The following ST6GALNAC3 variants were observed in gnomAD, a reference collection of about 807,000 sequenced individuals.
ST6GALNAC3 encodes alpha-N-acetylgalactosaminide alpha-2,6-sialyltransferase 3.
ST6GALNAC3 carries 25 observed loss-of-function variants against 32.7 expected under a neutral mutation model. The ratio of observed to expected loss-of-function variants is 0.76; its 90% CI spans 0.56 to 1.07. The LOEUF is 1.07. Ranked by LOEUF, ST6GALNAC3 falls within the 50% of genes least tolerant of loss-of-function variation. The probability of loss-of-function intolerance (pLI) is 0.00; values close to 1 mark genes in which losing one functional copy is unlikely to be tolerated. For synonymous variants in ST6GALNAC3, 129 were observed against 133.1 expected, an observed-to-expected ratio of 0.97 and a Z score of 0.21; for missense variants, 355 against 382.4, an observed-to-expected ratio of 0.93 and a Z score of 0.60.
At chr1:76,097,468 G>A (rs1647154459) in intron 1 of ST6GALNAC3, among the ~76,000 whole-genome samples, 1 of 152,148 alleles carries the variant, frequency 6.6e-6, no homozygotes, top group African/African-American at 2.4e-5. Flanking sequence ...GCCATGTGAA[G>A]AAGGACATGC....
At chr1:76,359,104 T>C (rs2101045523) in intron 2 of ST6GALNAC3, among the ~76,000 whole-genome samples, 1 of 152,324 alleles carries the variant, frequency 6.6e-6, no homozygotes, top group East Asian at 1.9e-4. Context: ...AGAGAGGACC[T>C]AGGGACCAGA....
At chr1:76,501,353 G>A (rs978389859) in intron 3 of ST6GALNAC3, among the ~76,000 whole-genome samples, 4 of 152,174 alleles carry the variant, frequency 2.6e-5, no homozygotes, top group African/African-American at 9.6e-5. Context: ...TGGTTTGCAA[G>A]GCAAATGATT....
At chr1:76,223,335 G>A (rs2100611729) in intron 1 of ST6GALNAC3, among the ~76,000 whole-genome samples, 1 of 152,242 alleles carries the variant, frequency 6.6e-6, no homozygotes, top group South Asian at 2.1e-4. Flanking sequence ...ATAAGTGGGA[G>A]CTAAACAGTG....
chr1:76,335,456 CA>C, intron 2 of ST6GALNAC3, among the ~76,000 whole-genome samples: 1 of 148,532 alleles, frequency 6.7e-6, no homozygotes, highest in Non-Finnish European at 1.5e-5. Flanking sequence ...CACACACACA[CA>C]CTCACACTCA....
intron 2 of ST6GALNAC3, among the ~76,000 whole-genome samples, chr1:76,379,954 G>A (rs1651571802): frequency 6.6e-6 from 1 of 152,188 alleles, no homozygotes; most frequent in Non-Finnish European, 1.5e-5. Context: ...GAGGTTACCT[G>A]ATGGCCTAAT....
At chr1:76,268,948 C>A (rs796626531) in intron 1 of ST6GALNAC3, among the ~76,000 whole-genome samples, 1 of 152,188 alleles carries the variant, frequency 6.6e-6, no homozygotes, top group East Asian at 1.9e-4. Flanking sequence ...CTACACATTT[C>A]GGCACTTTAT....
At chr1:76,302,568 A>G (rs1660789559) in intron 1 of ST6GALNAC3, among the ~76,000 whole-genome samples, 1 of 152,046 alleles carries the variant, frequency 6.6e-6, no homozygotes, top group Non-Finnish European at 1.5e-5. Context: ...ATGGTCTCTT[A>G]TAGCTGATGA....
At chr1:76,467,380 G>A (rs1285492754) in intron 3 of ST6GALNAC3, among the ~76,000 whole-genome samples, 3 of 151,898 alleles carry the variant, frequency 2.0e-5, no homozygotes, top group Admixed American at 6.6e-5. Context: ...GAATATAGGT[G>A]ATCCATCCCT....
At chr1:76,595,065 C>G (rs958616140) in intron 3 of ST6GALNAC3, among the ~76,000 whole-genome samples, 2 of 152,100 alleles carry the variant, frequency 1.3e-5, no homozygotes, top group Non-Finnish European at 2.9e-5. Flanking sequence ...CCTGCAGACC[C>G]TGGCCGAGCA....
At chr1:76,431,385 A>G (rs921244282) in intron 3 of ST6GALNAC3, among the ~76,000 whole-genome samples, 15 of 152,344 alleles carry the variant, frequency 9.8e-5, no homozygotes, top group African/African-American at 3.6e-4. Flanking sequence ...TTTTAAATCA[A>G]AGGTAGCTGA....
intron 3 of ST6GALNAC3, among the ~76,000 whole-genome samples, chr1:76,579,769 G>A (rs1254358144): frequency 6.6e-6 from 1 of 152,004 alleles, no homozygotes; most frequent in African/African-American, 2.4e-5. Context: ...GTACTTAGTA[G>A]TTAGATCTAG....
chr1:76,155,318 A>G (rs901310841), intron 1 of ST6GALNAC3, among the ~76,000 whole-genome samples: 5 of 152,168 alleles, frequency 3.3e-5, no homozygotes, highest in Non-Finnish European at 7.3e-5. Context: ...TACTACTGCT[A>G]CCGTCACTAC....
chr1:76,549,843 G>T (rs1463587871), intron 3 of ST6GALNAC3, among the ~76,000 whole-genome samples: 1 of 152,172 alleles, frequency 6.6e-6, no homozygotes, highest in African/African-American at 2.4e-5. Context: ...TCAGGTTTCA[G>T]CAGTTGGTAT....
intron 1 of ST6GALNAC3, among the ~76,000 whole-genome samples, chr1:76,166,440 C>T (rs1391411802): frequency 6.6e-6 from 1 of 152,060 alleles, no homozygotes; most frequent in Non-Finnish European, 1.5e-5. Context: ...CATGATGTGT[C>T]CAGCTTTGTT....
chr1:76,151,917 A>T (rs979541781), intron 1 of ST6GALNAC3, among the ~76,000 whole-genome samples: 1 of 152,166 alleles, frequency 6.6e-6, no homozygotes, highest in Non-Finnish European at 1.5e-5. Flanking sequence ...CCGGTTCTTG[A>T]GAGTTGGGTG....
At chr1:76,333,662 G>C (rs900692527) in intron 2 of ST6GALNAC3, among the ~76,000 whole-genome samples, 1 of 152,000 alleles carries the variant, frequency 6.6e-6, no homozygotes, top group Non-Finnish European at 1.5e-5. Context: ...GCTGTCCTTG[G>C]TTGTCCATAT....
intron 3 of ST6GALNAC3, among the ~76,000 whole-genome samples, chr1:76,425,974 A>G (rs1032212341): frequency 2.6e-5 from 4 of 152,008 alleles, no homozygotes; most frequent in South Asian, 4.2e-4. Context: ...AGTAAAGTTT[A>G]TGATAATATA....
intron 3 of ST6GALNAC3, among the ~76,000 whole-genome samples, chr1:76,563,396 G>A (rs981973459): frequency 2.6e-5 from 4 of 152,112 alleles, no homozygotes; most frequent in Non-Finnish European, 4.4e-5. Flanking sequence ...CTGGAAAATC[G>A]GGAGGTATCC....
At chr1:76,361,649 G>A (rs943581461) in intron 2 of ST6GALNAC3, among the ~76,000 whole-genome samples, 1 of 151,980 alleles carries the variant, frequency 6.6e-6, no homozygotes, top group Admixed American at 6.5e-5. Context: ...TGTCACTTAA[G>A]CCTTCTGTAT....
Sources: allele counts gnomAD v4.1 joint callset (sites outside exome capture counted in the v4.1 genomes callset), GRCh38; gene constraint gnomAD v4.1.1; transcripts MANE v1.5; gene names NCBI Gene and HGNC (gene_info 2026-07-23, HGNC 2026-07-21).